The following PPP1R12A variants were observed in gnomAD, a reference collection of about 807,000 sequenced individuals.
PPP1R12A encodes the protein myosin binding subunit.
PPP1R12A carries 19 observed loss-of-function variants against 139.6 expected under a neutral mutation model. That is an observed-to-expected ratio of 0.14 (90% CI 0.09 to 0.20). PPP1R12A has a LOEUF of 0.20. Ranked by LOEUF, PPP1R12A falls within the 10% of genes least tolerant of loss-of-function variation. The pLI is 1.00. For synonymous variants in PPP1R12A, 427 were observed against 420.6 expected (o/e 1.02, Z -0.19); for missense variants, 925 against 1,211.5 (o/e 0.76, Z 3.51).
intron 1 of PPP1R12A, among the ~76,000 whole-genome samples, chr12:79,931,726 G>A (rs1236070485): frequency 6.6e-6 from 1 of 152,080 alleles, no homozygotes; most frequent in African/African-American, 2.4e-5. Context: ...CTCGGTTCTA[G>A]AAAAACCAGA....
intron 1 of PPP1R12A, among the ~76,000 whole-genome samples, chr12:79,915,665 A>G (rs1408717754): frequency 6.6e-6 from 1 of 152,106 alleles, no homozygotes; most frequent in Admixed American, 6.6e-5. Context: ...CTTATTATTT[A>G]AAACCCACTA....
Position 79,777,197 on chromosome 12 carries a change from T to G in PPP1R12A, c.3007-1182A>C, listed in dbSNP as rs1331250191. ...AATGTTATATACTGTTGGTTTTCTC[T>G]CTAGTAAAGAACTGTAAATAATAGT... On this transcript the variant is annotated intron_variant, in intron 24 of 24. Transcript: ENST00000450142. 3.3e-6 allele frequency: 3 copies of G among 914,094 alleles called. No individual in the cohort carries two copies. The African/African-American group carries it at 5.4e-5, about 16-fold the overall frequency. The allele number at this position is 914,094 out of a possible 1,614,324, so 56.6% of individuals were successfully genotyped here.
At chr12:79,921,391 A>G (rs1887426814) in intron 1 of PPP1R12A, among the ~76,000 whole-genome samples, 1 of 152,232 alleles carries the variant, frequency 6.6e-6, no homozygotes, top group South Asian at 2.1e-4. Context: ...CATCTTCAAG[A>G]AAGAAACTGA....
At chr12:79,919,094 C>A (rs1272875053) in intron 1 of PPP1R12A, among the ~76,000 whole-genome samples, 2 of 151,826 alleles carry the variant, frequency 1.3e-5, no homozygotes. Flanking sequence ...CCAGACAGAG[C>A]AAGACTCTTG....
At chr12:79,855,444 G>A (rs1363616842) in intron 2 of PPP1R12A, among the ~76,000 whole-genome samples, 1 of 152,064 alleles carries the variant, frequency 6.6e-6, no homozygotes, top group Non-Finnish European at 1.5e-5. Flanking sequence ...GAACATATAT[G>A]TGCATGTATC....
chr12:79,803,550 T>C (rs1390828290), intron 14 of PPP1R12A, among the ~76,000 whole-genome samples: 4 of 152,160 alleles, frequency 2.6e-5, no homozygotes, highest in Admixed American at 2.6e-4. Context: ...CAAATCAACA[T>C]ATATACATTT....
intron 2 of PPP1R12A, among the ~76,000 whole-genome samples, chr12:79,852,471 C>T (rs1483897495): frequency 6.6e-6 from 1 of 152,086 alleles, no homozygotes; most frequent in Non-Finnish European, 1.5e-5. Flanking sequence ...GCTAGGATTA[C>T]AGTCTTGAGT....
At chr12:79,904,351 T>C (rs542456901) in intron 1 of PPP1R12A, among the ~76,000 whole-genome samples, 1 of 152,212 alleles carries the variant, frequency 6.6e-6, no homozygotes, top group African/African-American at 2.4e-5. Context: ...ATCCATTCAT[T>C]CTGTATCCCC....
intron 1 of PPP1R12A, among the ~76,000 whole-genome samples, chr12:79,918,069 T>C (rs1476835599): frequency 6.6e-6 from 1 of 152,194 alleles, no homozygotes; most frequent in Non-Finnish European, 1.5e-5. Context: ...AATTTGGCTT[T>C]ACTTAGAAAT....
At chr12:79,791,072 G>A (rs2137007104) in intron 19 of PPP1R12A, among the ~76,000 whole-genome samples, 1 of 152,086 alleles carries the variant, frequency 6.6e-6, no homozygotes, top group East Asian at 1.9e-4. Context: ...GTTTTTTAAG[G>A]TAATGTTTTC....
At chr12:79,906,177 A>G (rs1451881828) in intron 1 of PPP1R12A, among the ~76,000 whole-genome samples, 1 of 152,188 alleles carries the variant, frequency 6.6e-6, no homozygotes, top group Non-Finnish European at 1.5e-5. Context: ...AAACCTAGAA[A>G]CAGAATTGGA....
intron 1 of PPP1R12A, among the ~76,000 whole-genome samples, chr12:79,924,286 C>T (rs1453575682): frequency 6.6e-6 from 1 of 152,050 alleles, no homozygotes. Flanking sequence ...AAGTAGATTC[C>T]ATGTACTTGG....
intron 1 of PPP1R12A, among the ~76,000 whole-genome samples, chr12:79,884,639 G>T (rs1883940361): frequency 6.6e-6 from 1 of 152,118 alleles, no homozygotes; most frequent in Admixed American, 6.5e-5. Context: ...ACTAAATTTG[G>T]TCAGTTTACT....
At chr12:79,899,237 T>A (rs1349123353) in intron 1 of PPP1R12A, among the ~76,000 whole-genome samples, 18 of 508 alleles carry the variant, frequency 0.035, no homozygotes, top group South Asian at 0.15. Flanking sequence ...CTTAAAAATA[T>A]ATATATATAT....
intron 1 of PPP1R12A, among the ~76,000 whole-genome samples, chr12:79,917,980 C>T (rs1282262871): frequency 6.6e-6 from 1 of 152,084 alleles, no homozygotes; most frequent in Admixed American, 6.6e-5. Flanking sequence ...ACTACTACCA[C>T]TCCTTTATTC....
At chr12:79,929,347 G>A (rs1445661603) in intron 1 of PPP1R12A, among the ~76,000 whole-genome samples, 1 of 152,210 alleles carries the variant, frequency 6.6e-6, no homozygotes, top group Non-Finnish European at 1.5e-5. Context: ...CCCCGCTCTA[G>A]AGGATCTAGC....
chr12:79,821,140 T>A lies in PPP1R12A; in HGVS notation c.894A>T (p.Lys298Asn). The A allele has an allele frequency of 6.2e-7, 1 of 1,613,124 alleles. No individual in the cohort carries two copies. ...NLLHSEKRDKKSPLIESTANM... is the reference protein window; with the variant it reads ...NLLHSEKRDKNSPLIESTANM... ...TTGCTGTTGATTCAATTAGTGGAGA[T>A]TTCTTGTCCCGTTTTTCACTATGGA... Residue 298 changes from lysine to asparagine, a missense_variant, in exon 7 of 25, where the codon AAA (lysine) becomes AAT (asparagine). Around this residue, in one of 4 missense-constraint regions of PPP1R12A, gnomAD observed 403 missense variants for 463.7 expected, o/e 0.87. Transcript: ENST00000450142.
chr12:79,805,898 T>A, intron 13 of PPP1R12A, 130 bp from the exon 14 acceptor site: 2 of 1,073,912 alleles, frequency 1.9e-6, no homozygotes, highest in Non-Finnish European at 2.6e-6. Context: ...GAGACATCCT[T>A]AAATTATGAA....
At chr12:79,777,280 A>G in intron 24 of PPP1R12A, 1 of 972,730 alleles carries the variant, frequency 1.0e-6, no homozygotes, top group Non-Finnish European at 1.2e-6. Flanking sequence ...GCTTTACAAA[A>G]GTACAGATAA....
Sources: allele counts gnomAD v4.1 joint callset (sites outside exome capture counted in the v4.1 genomes callset), GRCh38; gene constraint gnomAD v4.1.1; regional missense constraint gnomAD v4.1.1; transcripts MANE v1.5; gene names NCBI Gene and HGNC (gene_info 2026-07-23, HGNC 2026-07-21).